Variants in NLGN1 observed in about 807,000 individuals in gnomAD.
NLGN1 encodes neuroligin 1, also known as neuroligin-1.
Under a neutral mutation model 65.5 loss-of-function variants are expected in NLGN1, and 12 were observed. The ratio of observed to expected loss-of-function variants is 0.18; its 90% CI spans 0.12 to 0.30. NLGN1 has a LOEUF of 0.30. Among genes scored for constraint, NLGN1 ranks in the 10% least tolerant of loss-of-function variants. The pLI is 1.00. For missense variants in NLGN1, 750 were observed against 1,007.1 expected, an observed-to-expected ratio of 0.74 and a Z score of 3.46; for synonymous variants, 350 against 359.5, an observed-to-expected ratio of 0.97 and a Z score of 0.30.
intron 3 of NLGN1, among the ~76,000 whole-genome samples, chr3:173,649,948 T>G (rs979620628): frequency 2.0e-5 from 3 of 152,066 alleles, no homozygotes; most frequent in Non-Finnish European, 4.4e-5. Context: ...ATCTTTTCAC[T>G]TACCATTTCC....
At chr3:173,807,832 G>T in exon 4 of NLGN1, 1 of 1,612,270 alleles carries the variant, frequency 6.2e-7, no homozygotes, top group Non-Finnish European at 8.5e-7. Context: ...TGGAGTACTC[G>T]GTAAGAAGAG....
At chr3:174,214,765 G>C (rs1004324226) in intron 4 of NLGN1, among the ~76,000 whole-genome samples, 1 of 152,152 alleles carries the variant, frequency 6.6e-6, no homozygotes. Context: ...ATGGTCAGTA[G>C]GGTGATTGGT....
intron 4 of NLGN1, among the ~76,000 whole-genome samples, chr3:174,272,545 A>T (rs919365685): frequency 1.3e-5 from 2 of 151,708 alleles, no homozygotes; most frequent in Non-Finnish European, 3.0e-5. Context: ...TTGCTTGGTC[A>T]GTTGGCCTTA....
intron 4 of NLGN1, among the ~76,000 whole-genome samples, chr3:174,011,626 T>TTC (rs900111384): frequency 1.1e-3 from 165 of 150,962 alleles, no homozygotes; most frequent in African/African-American, 3.4e-3. Context: ...TAAACTCTGC[T>TTC]TCTCTCTCTC....
intron 3 of NLGN1, among the ~76,000 whole-genome samples, chr3:173,741,920 G>A (rs1244848215): frequency 2.0e-5 from 3 of 152,206 alleles, no homozygotes; most frequent in South Asian, 2.1e-4. Context: ...CATACACTGC[G>A]TCCCCGTAAT....
At chr3:173,497,113 G>A (rs947154227) in intron 2 of NLGN1, among the ~76,000 whole-genome samples, 7 of 151,922 alleles carry the variant, frequency 4.6e-5, no homozygotes, top group African/African-American at 1.7e-4. Flanking sequence ...GCCAGGTGCG[G>A]TGGCTCACGC....
intron 1 of NLGN1, among the ~76,000 whole-genome samples, chr3:173,432,804 T>C (rs933638003): frequency 6.6e-6 from 1 of 152,266 alleles, no homozygotes; most frequent in Admixed American, 6.5e-5. Context: ...CCCAAAGTCC[T>C]CTAGGTTTAT....
At chr3:174,211,281 C>T (rs1244061718) in intron 4 of NLGN1, among the ~76,000 whole-genome samples, 1 of 152,164 alleles carries the variant, frequency 6.6e-6, no homozygotes, top group African/African-American at 2.4e-5. Flanking sequence ...CTGGCCCCAC[C>T]CACATCCTGC....
At chr3:173,418,104 A>G (rs1270993225) in intron 1 of NLGN1, among the ~76,000 whole-genome samples, 2 of 151,038 alleles carry the variant, frequency 1.3e-5, no homozygotes, top group African/African-American at 2.4e-5. Context: ...TATAATAAGT[A>G]TATATAACAA....
chr3:173,964,537 T>C (rs1161963333), intron 4 of NLGN1, among the ~76,000 whole-genome samples: 1 of 152,180 alleles, frequency 6.6e-6, no homozygotes. Context: ...TTTCTGGTGA[T>C]AGAATATCAA....
chr3:173,562,477 G>C (rs1162229505), intron 2 of NLGN1, among the ~76,000 whole-genome samples: 1 of 151,902 alleles, frequency 6.6e-6, no homozygotes, highest in East Asian at 1.9e-4. Context: ...TGAGGCAGGG[G>C]AATCGCTTGA....
intron 2 of NLGN1, among the ~76,000 whole-genome samples, chr3:173,474,737 A>T (rs963693107): frequency 6.6e-6 from 1 of 152,112 alleles, no homozygotes; most frequent in Admixed American, 6.6e-5. Flanking sequence ...AGGTGGGTGG[A>T]TCACGAGGTC....
intron 3 of NLGN1, among the ~76,000 whole-genome samples, chr3:173,617,038 G>A (rs1021851218): frequency 6.6e-6 from 1 of 151,800 alleles, no homozygotes; most frequent in Non-Finnish European, 1.5e-5. Flanking sequence ...TTTGTTCCTG[G>A]AATAGTCAAC....
intron 4 of NLGN1, among the ~76,000 whole-genome samples, chr3:174,232,265 A>T (rs551308868): frequency 1.3e-5 from 2 of 152,146 alleles, no homozygotes; most frequent in Non-Finnish European, 2.9e-5. Context: ...TTGAGCCAGG[A>T]TGAGCCAGGA....
intron 4 of NLGN1, among the ~76,000 whole-genome samples, chr3:174,146,890 T>G (rs998144188): frequency 3.3e-5 from 5 of 152,178 alleles, no homozygotes; most frequent in African/African-American, 1.2e-4. Flanking sequence ...AATTACAAAG[T>G]AGACCTTTAA....
At chr3:173,447,023 A>T (rs1192452835) in intron 2 of NLGN1, among the ~76,000 whole-genome samples, 2 of 151,782 alleles carry the variant, frequency 1.3e-5, no homozygotes, top group South Asian at 2.1e-4. Flanking sequence ...TTGCCTGTTC[A>T]CTCTGATGGT....
At chr3:173,402,510 T>G (rs1259483697) in intron 1 of NLGN1, among the ~76,000 whole-genome samples, 1 of 152,116 alleles carries the variant, frequency 6.6e-6, no homozygotes, top group Non-Finnish European at 1.5e-5. Flanking sequence ...AGTACATTCA[T>G]TATCTCAGAA....
chr3:174,175,697 T>C (rs1221899765), intron 4 of NLGN1, among the ~76,000 whole-genome samples: 2 of 151,946 alleles, frequency 1.3e-5, no homozygotes, highest in African/African-American at 2.4e-5. Flanking sequence ...GTGTAATTAT[T>C]TTTAAAAATT....
At chr3:173,668,144 C>T (rs1037769748) in intron 3 of NLGN1, among the ~76,000 whole-genome samples, 3 of 152,084 alleles carry the variant, frequency 2.0e-5, no homozygotes, top group African/African-American at 7.2e-5. Flanking sequence ...CTATAATTGG[C>T]ATTTGTCCAG....
Sources: gnomAD v4.1 joint callset for allele counts (sites outside exome capture counted in the v4.1 genomes callset) on GRCh38, gnomAD v4.1.1 for gene constraint, MANE v1.5 for transcripts, NCBI Gene and HGNC (gene_info 2026-07-23, HGNC 2026-07-21) for gene names.